The following DCC variants were observed in gnomAD, a reference collection of about 807,000 sequenced individuals.
DCC encodes netrin receptor DCC.
In DCC, 58 loss-of-function variants were observed where a neutral mutation model predicts 172.5. That is an observed-to-expected ratio of 0.34 (90% CI 0.27 to 0.42). The LOEUF (loss-of-function observed/expected upper bound fraction) is 0.42. DCC is among the 10% of genes least tolerant of loss of function. The pLI is 1.00. For missense variants in DCC, 1,740 were observed against 1,791.0 expected, an observed-to-expected ratio of 0.97 and a Z score of 0.51; for synonymous variants, 709 against 644.5, an observed-to-expected ratio of 1.10 and a Z score of -1.52.
intron 9 of DCC, among the ~76,000 whole-genome samples, chr18:53,199,606 A>G (rs1047597486): frequency 2.9e-5 from 1 of 34,110 alleles, no homozygotes; most frequent in Non-Finnish European, 7.8e-5. Flanking sequence ...ATATGTAAGA[A>G]CATATATATA....
chr18:52,463,145 T>C (rs1419816824), intron 1 of DCC, among the ~76,000 whole-genome samples: 1 of 152,242 alleles, frequency 6.6e-6, no homozygotes, highest in Non-Finnish European at 1.5e-5. Flanking sequence ...ATATATTTTC[T>C]GTTTTAATTT....
At chr18:53,135,578 T>C (rs572642700) in intron 7 of DCC, among the ~76,000 whole-genome samples, 21 of 152,280 alleles carry the variant, frequency 1.4e-4, no homozygotes, top group African/African-American at 5.1e-4. Flanking sequence ...CAGTTACGAA[T>C]ATTGCCACCT....
intron 7 of DCC, among the ~76,000 whole-genome samples, chr18:53,139,681 C>A (rs1008548709): frequency 2.0e-5 from 3 of 152,086 alleles, no homozygotes; most frequent in Non-Finnish European, 2.9e-5. Context: ...GGTGAGGAAA[C>A]CGAGACACTG....
At chr18:53,055,443 T>C (rs2042391044) in intron 5 of DCC, among the ~76,000 whole-genome samples, 1 of 152,118 alleles carries the variant, frequency 6.6e-6, no homozygotes, top group African/African-American at 2.4e-5. Context: ...CCAGATGAGA[T>C]TGAAACATCT....
intron 1 of DCC, among the ~76,000 whole-genome samples, chr18:52,490,634 T>A (rs772730621): frequency 3.3e-5 from 5 of 152,146 alleles, no homozygotes; most frequent in Non-Finnish European, 5.9e-5. Flanking sequence ...TTTTCAAATC[T>A]TGAATATTCT....
intron 5 of DCC, among the ~76,000 whole-genome samples, chr18:53,040,588 T>C (rs1204185689): frequency 6.6e-6 from 1 of 151,982 alleles, no homozygotes; most frequent in East Asian, 1.9e-4. Flanking sequence ...TTAGTAAACT[T>C]TTATGAAGCT....
At chr18:52,681,024 G>T (rs771993319) in intron 1 of DCC, among the ~76,000 whole-genome samples, 13 of 152,172 alleles carry the variant, frequency 8.5e-5, no homozygotes, top group Non-Finnish European at 1.9e-4. Context: ...ATTACTATTG[G>T]TGGTGGGGTC....
At chr18:52,817,693 A>G (rs1013297824) in intron 2 of DCC, among the ~76,000 whole-genome samples, 1 of 152,172 alleles carries the variant, frequency 6.6e-6, no homozygotes, top group African/African-American at 2.4e-5. Flanking sequence ...ACACGCATGC[A>G]TACATAGACA....
intron 1 of DCC, among the ~76,000 whole-genome samples, chr18:52,444,099 A>G (rs1988051146): frequency 1.3e-5 from 2 of 152,106 alleles, no homozygotes; most frequent in African/African-American, 2.4e-5. Context: ...CAAGGGGGAG[A>G]CTGAGGAAGT....
At chr18:52,531,955 A>T (rs2032163026) in intron 1 of DCC, among the ~76,000 whole-genome samples, 1 of 152,198 alleles carries the variant, frequency 6.6e-6, no homozygotes, top group South Asian at 2.1e-4. Context: ...ATCTTATGCA[A>T]CTATTGCCTT....
chr18:53,398,498 C>T (rs1282275459), intron 18 of DCC, among the ~76,000 whole-genome samples: 1 of 151,994 alleles, frequency 6.6e-6, no homozygotes, highest in Non-Finnish European at 1.5e-5. Flanking sequence ...TAAGACCAGC[C>T]GGATGAGATA....
chr18:53,190,522 C>T (rs2055351110), intron 9 of DCC, among the ~76,000 whole-genome samples: 1 of 149,868 alleles, frequency 6.7e-6, no homozygotes, highest in Admixed American at 6.6e-5. Context: ...TAAGATTAGC[C>T]ATGATCGTTT....
At chr18:52,880,157 G>A (rs2039462893) in intron 2 of DCC, among the ~76,000 whole-genome samples, 1 of 151,330 alleles carries the variant, frequency 6.6e-6, no homozygotes. Context: ...TTTGAGACAG[G>A]GTTTCACTCT....
At chr18:52,854,369 G>A (rs2039020030) in intron 2 of DCC, among the ~76,000 whole-genome samples, 1 of 152,108 alleles carries the variant, frequency 6.6e-6, no homozygotes, top group South Asian at 2.1e-4. Flanking sequence ...ATTTCTGTGA[G>A]ACGAGATGGG....
At chr18:53,451,026 G>A (rs1396818452) in intron 23 of DCC, among the ~76,000 whole-genome samples, 1 of 152,132 alleles carries the variant, frequency 6.6e-6, no homozygotes, top group Non-Finnish European at 1.5e-5. Context: ...TGAGGAATGT[G>A]TTTCTCTGTG....
chr18:52,451,919 C>T (rs1402112956), intron 1 of DCC, among the ~76,000 whole-genome samples: 1 of 152,154 alleles, frequency 6.6e-6, no homozygotes, highest in African/African-American at 2.4e-5. Context: ...CTTCTGTCTT[C>T]TCTCTAGGTG....
At chr18:53,407,968 G>A (rs974736429) in intron 19 of DCC, among the ~76,000 whole-genome samples, 1 of 152,080 alleles carries the variant, frequency 6.6e-6, no homozygotes, top group Non-Finnish European at 1.5e-5. Flanking sequence ...AGACAGAAAG[G>A]TCATACAACT....
chr18:53,009,112 C>T (rs1244310802), intron 5 of DCC, among the ~76,000 whole-genome samples: 1 of 151,824 alleles, frequency 6.6e-6, no homozygotes, highest in Non-Finnish European at 1.5e-5. Context: ...CCTAATTTCA[C>T]AATATTTGTG....
rs181310157 is a variant in DCC, at chr18:52,483,086, A to G, written c.91+142208A>G. ...TCCAGACATGCTTTGGCTTGCTGTT[A>G]TATAACTCTAACCTCTGGCTCCCTC... On this transcript the variant is annotated intron_variant, in intron 1 of 28. Coordinates refer to ENST00000442544, the MANE Select transcript of DCC (RefSeq NM_005215.4). Among the ~76,000 whole-genome samples the G allele has an allele frequency of 5.2e-4, 79 of 152,174 alleles. 2 individuals carry two copies. Among genetic ancestry groups the G allele is most frequent in the Middle Eastern group, 6.8e-3 (2 of 294 alleles).
Sources: allele counts gnomAD v4.1 joint callset (sites outside exome capture counted in the v4.1 genomes callset), GRCh38; gene constraint gnomAD v4.1.1; transcripts MANE v1.5; gene names NCBI Gene and HGNC (gene_info 2026-07-23, HGNC 2026-07-21).